GPHN: variants seen among roughly 807,000 people sequenced by gnomAD.
GPHN encodes the protein gephyrin.
Under a neutral mutation model 95.5 loss-of-function variants are expected in GPHN, and 17 were observed. That is an observed-to-expected ratio of 0.18 (90% CI 0.12 to 0.27). The LOEUF (loss-of-function observed/expected upper bound fraction) is 0.27, where lower values mean the gene tolerates loss of function less well. Ranked by LOEUF, GPHN falls within the 10% of genes least tolerant of loss-of-function variation. The pLI is 1.00. For synonymous variants in GPHN, 320 were observed against 322.5 expected, an observed-to-expected ratio of 0.99 and a Z score of 0.08; for missense variants, 660 against 978.1, an observed-to-expected ratio of 0.67 and a Z score of 4.34.
chr14:66,614,524 AATG>A (rs917991278), intron 1 of GPHN, among the ~76,000 whole-genome samples: 34 of 151,854 alleles, frequency 2.2e-4, no homozygotes, highest in Admixed American at 5.9e-4. Context: ...CTACATGCAA[AATG>A]ATGTTATTTG....
In GPHN at chr14:66,986,612, C is replaced by A. The variant is rs79756440; in HGVS notation, c.963+21287C>A. 5.7e-4 allele frequency among the ~76,000 whole-genome samples: 86 copies of A among 152,156 alleles called. 3 individuals carry two copies. The highest frequency in any genetic ancestry group is 2.0e-3 in the African/African-American group (82 of 41,524). On this transcript the variant is annotated intron_variant, in intron 9 of 22. Coordinates refer to ENST00000478722, the MANE Select transcript of GPHN (RefSeq NM_020806.5). ...TGCAAGTTAGAAAATTTGCTGAATT[C>A]TAAAAATATGCAGAAGAATTACCTC...
the GPHN span, among the ~76,000 whole-genome samples, chr14:67,512,667 A>T: frequency 1.3e-5 from 2 of 152,210 alleles, no homozygotes; most frequent in South Asian, 2.1e-4. Context: ...GCCTCACTCT[A>T]CTGCCCTTAC....
At chr14:66,883,529 C>CGA (rs2064031845) in intron 5 of GPHN, among the ~76,000 whole-genome samples, 3 of 151,952 alleles carry the variant, frequency 2.0e-5, no homozygotes, top group Admixed American at 1.3e-4. Flanking sequence ...GATTTCTTTT[C>CGA]CCATGAGAAC....
intron 2 of GPHN, among the ~76,000 whole-genome samples, chr14:66,685,276 T>C (rs746452284): frequency 2.6e-5 from 4 of 152,216 alleles, no homozygotes; most frequent in Non-Finnish European, 5.9e-5. Flanking sequence ...AGTAATGGGA[T>C]GGCTGGGTCA....
intron 2 of GPHN, among the ~76,000 whole-genome samples, chr14:66,756,243 C>T (rs1566909756): frequency 6.6e-6 from 1 of 152,034 alleles, no homozygotes; most frequent in African/African-American, 2.4e-5. Context: ...GTGTACATGT[C>T]AATATTTAAC....
At chr14:67,723,605 G>A in the GPHN span, among the ~76,000 whole-genome samples, 27 of 152,306 alleles carry the variant, frequency 1.8e-4, no homozygotes, top group South Asian at 2.1e-4. Context: ...GTTCTCCATA[G>A]AGATCTGGGT....
chr14:66,705,109 AAC>A (rs1231258327), intron 2 of GPHN, among the ~76,000 whole-genome samples: 3 of 152,250 alleles, frequency 2.0e-5, no homozygotes, highest in Non-Finnish European at 4.4e-5. Flanking sequence ...CCCAAGACTA[AAC>A]CAGGAAGAAG....
intron 13 of GPHN, 116 bp from the exon 14 acceptor site, chr14:67,110,024 C>A: frequency 1.1e-6 from 1 of 896,100 alleles, no homozygotes; most frequent in Non-Finnish European, 1.8e-6. Context: ...ATGAATAAGA[C>A]TGTAAGACTT....
At chr14:67,086,610 C>T (rs1290173573) in intron 11 of GPHN, among the ~76,000 whole-genome samples, 1 of 149,884 alleles carries the variant, frequency 6.7e-6, no homozygotes, top group East Asian at 2.0e-4. Context: ...CGAGATTGCG[C>T]CACTGCACTC....
chr14:67,160,175 C>G (rs1470931100), intron 19 of GPHN, among the ~76,000 whole-genome samples: 1 of 152,090 alleles, frequency 6.6e-6, no homozygotes, highest in Non-Finnish European at 1.5e-5. Flanking sequence ...TCTGCCCCCA[C>G]CCTTTTTGTT....
intron 4 of GPHN, among the ~76,000 whole-genome samples, chr14:66,854,424 G>A (rs1286439166): frequency 3.3e-5 from 5 of 152,184 alleles, no homozygotes; most frequent in Non-Finnish European, 5.9e-5. Context: ...TTTTCCCAAT[G>A]AGAAGATCCA....
Position 67,058,642 on chromosome 14 carries a change from T to C in GPHN, c.1007-7T>C, listed in dbSNP as rs1235859504. 1.2e-6 allele frequency: 2 copies of C among 1,611,512 alleles called. No individual in the cohort carries two copies. Among genetic ancestry groups the C allele is most frequent in the Non-Finnish European group, 1.7e-6 (2 of 1,177,566 alleles). On this transcript the variant is annotated splice_polypyrimidine_tract_variant and splice_region_variant and intron_variant, in intron 10 of 22. Transcript: ENST00000478722. Reference sequence around the variant, plus strand: ...TCATATTCTTAGTTAATTATCTTACTGTTTAGGTCACAGTGCTGTCGATAT... The same window carrying C: ...TCATATTCTTAGTTAATTATCTTACCGTTTAGGTCACAGTGCTGTCGATAT...
intron 1 of GPHN, among the ~76,000 whole-genome samples, chr14:66,669,279 G>A (rs1453535068): frequency 2.6e-5 from 4 of 151,100 alleles, no homozygotes; most frequent in South Asian, 2.1e-4. Flanking sequence ...CGGGAGAATC[G>A]CTTGAACCCA....
chr14:66,853,715 A>G (rs535292474), intron 4 of GPHN, among the ~76,000 whole-genome samples: 4 of 152,354 alleles, frequency 2.6e-5, no homozygotes, highest in African/African-American at 9.6e-5. Flanking sequence ...AGATTTGGGT[A>G]GGGGCACAGC....
At chr14:66,720,245 A>G (rs960741327) in intron 2 of GPHN, among the ~76,000 whole-genome samples, 1 of 152,310 alleles carries the variant, frequency 6.6e-6, no homozygotes, top group African/African-American at 2.4e-5. Flanking sequence ...GTAAAGGAAT[A>G]TGTTCAAATT....
chr14:66,912,920 A>G (rs1455771472), intron 5 of GPHN, among the ~76,000 whole-genome samples: 1 of 152,224 alleles, frequency 6.6e-6, no homozygotes, highest in Non-Finnish European at 1.5e-5. Flanking sequence ...AGTAAATAGT[A>G]GTACCAAAAC....
intron 6 of GPHN, among the ~76,000 whole-genome samples, chr14:66,922,036 C>G (rs146373322): frequency 7.3e-4 from 111 of 152,250 alleles, no homozygotes; most frequent in African/African-American, 2.4e-3. Flanking sequence ...TTATCCTCAA[C>G]TCTCACCTTA....
At chr14:67,385,677 T>TTG in the GPHN span, 1 of 148,904 alleles carries the variant, frequency 6.7e-6, no homozygotes, top group African/African-American at 2.5e-5. Flanking sequence ...TTTTTTTTTT[T>TTG]GGCAAATGGT....
intron 11 of GPHN, among the ~76,000 whole-genome samples, chr14:67,085,123 T>C (rs571844116): frequency 6.6e-6 from 1 of 152,334 alleles, no homozygotes; most frequent in African/African-American, 2.4e-5. Flanking sequence ...CCTCAGAAAC[T>C]TGAGGGTTAT....
Sources: gnomAD v4.1 joint callset for allele counts (sites outside exome capture counted in the v4.1 genomes callset) on GRCh38, gnomAD v4.1.1 for gene constraint, MANE v1.5 for transcripts, NCBI Gene and HGNC (gene_info 2026-07-23, HGNC 2026-07-21) for gene names.